SLC2A13: variants seen among roughly 807,000 people sequenced by gnomAD.
SLC2A13 encodes the protein proton myo-inositol cotransporter.
A neutral mutation model predicts 64.4 loss-of-function variants in SLC2A13; 32 were observed. The ratio of observed to expected loss-of-function variants is 0.50; its 90% CI spans 0.37 to 0.67. The LOEUF is 0.67. Among genes scored for constraint, SLC2A13 ranks in the 30% least tolerant of loss-of-function variants. The probability of loss-of-function intolerance (pLI) is 0.00; values close to 1 mark genes in which losing one functional copy is unlikely to be tolerated. For missense variants in SLC2A13, 743 were observed against 829.2 expected, an observed-to-expected ratio of 0.90 and a Z score of 1.28; for synonymous variants, 338 against 327.1, an observed-to-expected ratio of 1.03 and a Z score of -0.36.
intron 7 of SLC2A13, among the ~76,000 whole-genome samples, chr12:39,793,921 G>A (rs1431558594): frequency 6.6e-6 from 1 of 152,104 alleles, no homozygotes; most frequent in Non-Finnish European, 1.5e-5. Context: ...ATCTCAGTGA[G>A]CTCATTATGG....
chr12:40,020,947 G>A (rs1344365999), intron 3 of SLC2A13, among the ~76,000 whole-genome samples: 13 of 148,886 alleles, frequency 8.7e-5, no homozygotes, highest in East Asian at 7.8e-4. Flanking sequence ...CCATTTAATC[G>A]TATTAAATAC....
At chr12:40,103,907 G>A (rs1182733719) in intron 1 of SLC2A13, among the ~76,000 whole-genome samples, 1 of 152,180 alleles carries the variant, frequency 6.6e-6, no homozygotes, top group African/African-American at 2.4e-5. Flanking sequence ...ATGTTACGGA[G>A]AGCTTTGCCC....
intron 4 of SLC2A13, among the ~76,000 whole-genome samples, chr12:39,881,256 A>T (rs571841838): frequency 2.6e-5 from 4 of 152,292 alleles, no homozygotes; most frequent in Middle Eastern, 3.4e-3. Context: ...GGGTTTCTTC[A>T]TATGTGTCTT....
At chr12:39,840,475 T>G (rs1943152763) in intron 6 of SLC2A13, among the ~76,000 whole-genome samples, 1 of 152,064 alleles carries the variant, frequency 6.6e-6, no homozygotes, top group African/African-American at 2.4e-5. Flanking sequence ...CTGCCCATCT[T>G]GCCTGTCTCT....
intron 4 of SLC2A13, among the ~76,000 whole-genome samples, chr12:39,885,314 C>T (rs1054762106): frequency 2.0e-5 from 3 of 152,116 alleles, no homozygotes; most frequent in African/African-American, 7.2e-5. Flanking sequence ...AAAGAGTGGG[C>T]TTGTAGAAAA....
intron 4 of SLC2A13, among the ~76,000 whole-genome samples, chr12:39,916,902 CAT>C (rs1945529750): frequency 6.6e-6 from 1 of 151,980 alleles, no homozygotes; most frequent in South Asian, 2.1e-4. Flanking sequence ...TCTTCCCAAA[CAT>C]ATACGGTGGG....
intron 3 of SLC2A13, among the ~76,000 whole-genome samples, chr12:39,975,569 G>A (rs1946743841): frequency 6.6e-6 from 1 of 152,252 alleles, no homozygotes; most frequent in South Asian, 2.1e-4. Context: ...GCTTCCCATT[G>A]CCAGCTTATC....
chr12:39,896,488 A>C (rs1396836068), intron 4 of SLC2A13, among the ~76,000 whole-genome samples: 1 of 147,776 alleles, frequency 6.8e-6, no homozygotes, highest in East Asian at 2.0e-4. Flanking sequence ...ATGTGTATAT[A>C]TGTACACATA....
chr12:39,805,231 C>A (rs1941940755), intron 7 of SLC2A13, among the ~76,000 whole-genome samples: 1 of 152,154 alleles, frequency 6.6e-6, no homozygotes, highest in African/African-American at 2.4e-5. Context: ...ATGTGAGAAG[C>A]CACGGCAGAG....
intron 1 of SLC2A13, among the ~76,000 whole-genome samples, chr12:40,092,848 A>T (rs1209890849): frequency 1.3e-5 from 2 of 152,216 alleles, no homozygotes; most frequent in East Asian, 3.9e-4. Flanking sequence ...TACGACTCCA[A>T]TGCCTTTCCA....
intron 1 of SLC2A13, among the ~76,000 whole-genome samples, chr12:40,071,094 G>C (rs1937938365): frequency 6.6e-6 from 1 of 152,092 alleles, no homozygotes; most frequent in Non-Finnish European, 1.5e-5. Flanking sequence ...TTTTGCTACT[G>C]GCACTTAGTG....
intron 4 of SLC2A13, among the ~76,000 whole-genome samples, chr12:39,915,599 A>T (rs1213548331): frequency 6.6e-6 from 1 of 151,986 alleles, no homozygotes; most frequent in Non-Finnish European, 1.5e-5. Context: ...AAAAGACTTG[A>T]CATTTATTGT....
intron 4 of SLC2A13, among the ~76,000 whole-genome samples, chr12:39,899,614 T>A (rs1441116771): frequency 6.6e-6 from 1 of 151,962 alleles, no homozygotes; most frequent in Non-Finnish European, 1.5e-5. Flanking sequence ...TCTTGTGGGC[T>A]TTTAGTGCTA....
intron 4 of SLC2A13, among the ~76,000 whole-genome samples, chr12:39,889,613 A>G (rs936522128): frequency 4.0e-5 from 6 of 149,392 alleles, no homozygotes; most frequent in African/African-American, 1.2e-4. Flanking sequence ...GCACACCACA[A>G]CCTCTGCCTC....
At chr12:39,798,192 G>T (rs1941646601) in intron 7 of SLC2A13, among the ~76,000 whole-genome samples, 2 of 152,160 alleles carry the variant, frequency 1.3e-5, no homozygotes, top group South Asian at 4.1e-4. Flanking sequence ...TAACCTGCCA[G>T]GCACACGAGG....
At chr12:40,007,091 A>G (rs569204116) in intron 3 of SLC2A13, among the ~76,000 whole-genome samples, 37 of 152,186 alleles carry the variant, frequency 2.4e-4, no homozygotes, top group Non-Finnish European at 4.3e-4. Flanking sequence ...ACTAAAGTTG[A>G]CCCAGTATAA....
intron 7 of SLC2A13, among the ~76,000 whole-genome samples, chr12:39,809,231 A>G (rs1942069821): frequency 1.3e-5 from 2 of 152,132 alleles, no homozygotes. Context: ...CCATGCATAT[A>G]TGGATCTATT....
intron 7 of SLC2A13, among the ~76,000 whole-genome samples, chr12:39,818,213 C>T (rs1488775414): frequency 6.6e-6 from 1 of 152,014 alleles, no homozygotes; most frequent in African/African-American, 2.4e-5. Flanking sequence ...TCATCTGATT[C>T]CCCCAGTCAT....
At chr12:39,898,724 C>T (rs1944995918) in intron 4 of SLC2A13, among the ~76,000 whole-genome samples, 1 of 152,096 alleles carries the variant, frequency 6.6e-6, no homozygotes, top group Admixed American at 6.6e-5. Flanking sequence ...CAATCTGGGG[C>T]ATGTGTTCAT....
Sources: gnomAD v4.1 joint callset for allele counts (sites outside exome capture counted in the v4.1 genomes callset) on GRCh38, gnomAD v4.1.1 for gene constraint, MANE v1.5 for transcripts, NCBI Gene and HGNC (gene_info 2026-07-23, HGNC 2026-07-21) for gene names.